SPATS2: variants seen among roughly 807,000 people sequenced by gnomAD.
SPATS2 encodes the protein spermatogenesis associated serine rich 2.
A neutral mutation model predicts 63.7 loss-of-function variants in SPATS2; 38 were observed. The ratio of observed to expected loss-of-function variants is 0.60; its 90% confidence interval spans 0.46 to 0.78. The LOEUF (loss-of-function observed/expected upper bound fraction) is 0.78, where lower values mean the gene tolerates loss of function less well. SPATS2 is among the 30% of genes least tolerant of loss of function. SPATS2 has a pLI of 0.00. For missense variants in SPATS2, 588 were observed against 666.2 expected (o/e 0.88, Z 1.29); for synonymous variants, 207 against 232.9 (o/e 0.89, Z 1.01).
At chr12:49,405,859 AAC>A (rs1944685072) in intron 2 of SPATS2, among the ~76,000 whole-genome samples, 1 of 152,340 alleles carries the variant, frequency 6.6e-6, no homozygotes, top group South Asian at 2.1e-4. Context: ...CTGTGAGGAT[AAC>A]ACATATATAA....
At chr12:49,491,973 A>G (rs1253925836) in intron 6 of SPATS2, among the ~76,000 whole-genome samples, 3 of 152,116 alleles carry the variant, frequency 2.0e-5, no homozygotes, top group African/African-American at 7.2e-5. Context: ...GAGTTCTGAA[A>G]TGCTTTCATC....
intron 11 of SPATS2, among the ~76,000 whole-genome samples, chr12:49,520,821 C>T (rs150819171): frequency 2.0e-4 from 31 of 151,646 alleles, no homozygotes; most frequent in African/African-American, 6.8e-4. Context: ...TGGGTTCAAG[C>T]GATTCTCGTG....
chr12:49,425,401 G>A (rs1459532414), intron 2 of SPATS2, among the ~76,000 whole-genome samples: 3 of 152,158 alleles, frequency 2.0e-5, no homozygotes, highest in African/African-American at 7.2e-5. Context: ...CTGAAGTGCA[G>A]TGGTGCTATC....
chr12:49,427,298 C>T (rs1271823763), intron 2 of SPATS2, among the ~76,000 whole-genome samples: 1 of 152,118 alleles, frequency 6.6e-6, no homozygotes, highest in Non-Finnish European at 1.5e-5. Flanking sequence ...AAAAAAGAAT[C>T]TTATGTTGTA....
intron 10 of SPATS2, among the ~76,000 whole-genome samples, chr12:49,516,155 AAAAAAAAAAAAATATATATATATATAT>A (rs1946838162): frequency 2.2e-5 from 1 of 45,878 alleles, no homozygotes; most frequent in African/African-American, 8.1e-5. Context: ...AAAAAAAAAA[AAAAAAAAAAAAATATATATATATATAT>A]ATATATATAT....
At chr12:49,463,661 G>A (rs1945861324) in intron 3 of SPATS2, 2 of 152,096 alleles carry the variant, frequency 1.3e-5, no homozygotes, top group Non-Finnish European at 2.9e-5. Context: ...TTGGGTTTTA[G>A]TAGTCTAATC....
chr12:49,457,524 C>T (rs1460462604), intron 2 of SPATS2, among the ~76,000 whole-genome samples: 1 of 152,030 alleles, frequency 6.6e-6, no homozygotes, highest in Non-Finnish European at 1.5e-5. Context: ...ACCTCCGCCT[C>T]CCGGGTTCAA....
chr12:49,403,594 TACACACACACACACAC>T lies in SPATS2; in HGVS notation c.-244+32336_-244+32351del, dbSNP rs5798102. Among the ~76,000 whole-genome samples, 39 of 128,494 alleles carry T rather than the reference TACACACACACACACAC, an allele frequency of 3.0e-4. 1 individual carries two copies. Among genetic ancestry groups the T allele is most frequent in the East Asian group, 1.6e-3 (7 of 4,394 alleles). 84.3% of individuals were successfully genotyped at this position (128,494 alleles called of 152,430 possible). A position where few individuals can be genotyped will look rare whatever the true frequency, so the allele number is the denominator to read the frequency against. On this transcript the variant is annotated intron_variant, in intron 2 of 13. Transcript: ENST00000552918. ...AGTGAGCCGAGATCATGCCACTGTC[TACACACACACACACAC>T]ACACACACACACACACACACACACA...
At chr12:49,411,858 T>TTGGCTCA (rs1387129116) in intron 2 of SPATS2, among the ~76,000 whole-genome samples, 1 of 152,192 alleles carries the variant, frequency 6.6e-6, no homozygotes, top group Admixed American at 6.5e-5. Flanking sequence ...CAATTAGTTC[T>TTGGCTCA]TGGCTCAGCT....
At chr12:49,503,785 G>GA (rs1946609780) in intron 9 of SPATS2, among the ~76,000 whole-genome samples, 1 of 152,150 alleles carries the variant, frequency 6.6e-6, no homozygotes, top group Non-Finnish European at 1.5e-5. Flanking sequence ...GAACAAGCTT[G>GA]AACCAGCAGG....
chr12:49,420,772 G>A (rs1243488774), intron 2 of SPATS2, among the ~76,000 whole-genome samples: 1 of 152,038 alleles, frequency 6.6e-6, no homozygotes, highest in African/African-American at 2.4e-5. Context: ...CTAACACTTG[G>A]GAGGCCGAAG....
chr12:49,510,199 G>A (rs1327382048), intron 9 of SPATS2, among the ~76,000 whole-genome samples: 1 of 150,628 alleles, frequency 6.6e-6, no homozygotes, highest in Non-Finnish European at 1.5e-5. Flanking sequence ...GGAGGTCAAG[G>A]ATGCAGTGAG....
At chr12:49,490,241 C>T (rs1946360768) in intron 5 of SPATS2, 1 of 154,514 alleles carries the variant, frequency 6.5e-6, no homozygotes, top group South Asian at 2.1e-4. Flanking sequence ...TCTTTATCTT[C>T]ATCTTTTTAA....
chr12:49,379,056 T>C (rs1240271416), intron 2 of SPATS2, among the ~76,000 whole-genome samples: 1 of 151,816 alleles, frequency 6.6e-6, no homozygotes, highest in Non-Finnish European at 1.5e-5. Context: ...TAGCTGGGAT[T>C]ACAGGCATGT....
chr12:49,514,352 C>T, intron 9 of SPATS2: 1 of 530,060 alleles, frequency 1.9e-6, no homozygotes, highest in South Asian at 2.5e-5. Context: ...GGAATTGGGT[C>T]TATTTATTTT....
chr12:49,508,493 A>C (rs1341112218), intron 9 of SPATS2, among the ~76,000 whole-genome samples: 1 of 152,244 alleles, frequency 6.6e-6, no homozygotes, highest in African/African-American at 2.4e-5. Context: ...CTGGGATTAC[A>C]GGCATGAGCC....
At chr12:49,439,340 A>G (rs1945375443) in intron 2 of SPATS2, among the ~76,000 whole-genome samples, 1 of 152,104 alleles carries the variant, frequency 6.6e-6, no homozygotes, top group South Asian at 2.1e-4. Context: ...TGAGTAGAGG[A>G]GTGACATGAT....
Position 49,437,695 on chromosome 12 carries a change from G to A in SPATS2, c.-243-23075G>A, listed in dbSNP as rs1260977405. On this transcript the variant is annotated intron_variant, in intron 2 of 13. Transcript: ENST00000552918. Reference sequence around the variant, plus strand: ...AATACGAAAACCAGTCAGGCATGGCGGCGCGCGCCTGCAATCGCAGGCACT... The same window carrying A: ...AATACGAAAACCAGTCAGGCATGGCAGCGCGCGCCTGCAATCGCAGGCACT... Among the ~76,000 whole-genome samples, 4 of 152,308 alleles carry A rather than the reference G, an allele frequency of 2.6e-5. No homozygotes were observed. In the South Asian group the frequency reaches 6.2e-4, roughly 24 times the overall value.
rs138998216 is a variant in SPATS2 at position 49,420,675 on chromosome 12, G to A, written c.-243-40095G>A. Among the ~76,000 whole-genome samples the A allele has an allele frequency of 5.3e-4, 81 of 152,260 alleles. No individual in the cohort carries two copies. The East Asian group carries it at 0.013, about 25-fold the overall frequency. On this transcript the variant is annotated intron_variant, in intron 2 of 13. Coordinates refer to ENST00000552918, the MANE Select transcript of SPATS2 (RefSeq NM_023071.4). Reference sequence around the variant, plus strand: ...TAAAGAACCAGTAAGAAGTTAAAATGGTTCAAAGGACAATTCAAAGTACCA... The same window carrying A: ...TAAAGAACCAGTAAGAAGTTAAAATAGTTCAAAGGACAATTCAAAGTACCA...
Sources: allele counts gnomAD v4.1 joint callset (sites outside exome capture counted in the v4.1 genomes callset), GRCh38; gene constraint gnomAD v4.1.1; transcripts MANE v1.5; gene names NCBI Gene and HGNC (gene_info 2026-07-23, HGNC 2026-07-21).